The following NOP58 variants were observed in gnomAD, a reference collection of about 807,000 sequenced individuals.
NOP58 encodes nucleolar protein 58.
Under a neutral mutation model 71.2 loss-of-function variants are expected in NOP58, and 44 were observed. That is an observed-to-expected ratio of 0.62 (90% CI 0.49 to 0.79). NOP58 has a LOEUF of 0.79. Among genes scored for constraint, NOP58 ranks in the 30% least tolerant of loss-of-function variants. The probability of loss-of-function intolerance (pLI) is 0.00; values close to 1 mark genes in which losing one functional copy is unlikely to be tolerated. For synonymous variants in NOP58, 228 were observed against 200.3 expected (o/e 1.14, Z -1.17); for missense variants, 538 against 620.2 (o/e 0.87, Z 1.41).
chr2:202,298,068 A>AAATGTGCACATTGAGG (rs61113445), intron 12 of NOP58, among the ~76,000 whole-genome samples, 162 bp downstream of exon 12: 15,606 of 152,054 alleles, frequency 0.1, 981 homozygotes, highest in South Asian at 0.24. Flanking sequence ...TTGTTTTGGA[A>AAATGTGCACATTGAGG]AATGTGCACA....
intron 13 of NOP58, among the ~76,000 whole-genome samples, chr2:202,301,176 C>T (rs1265071948): frequency 6.6e-6 from 1 of 151,966 alleles, no homozygotes; most frequent in East Asian, 1.9e-4. Flanking sequence ...TTTCATCCCA[C>T]AATTTCCCCC....
intron 11 of NOP58, 133 bp from the exon 12 acceptor site, chr2:202,297,712 G>A (rs2105856148): frequency 1.2e-6 from 1 of 804,260 alleles, no homozygotes; most frequent in East Asian, 2.7e-5. Context: ...ATTAGGATAT[G>A]CTATTCAAAA....
chr2:202,287,172 C>T (rs769980719), intron 5 of NOP58, among the ~76,000 whole-genome samples: 3 of 149,898 alleles, frequency 2.0e-5, no homozygotes, highest in Admixed American at 6.7e-5. Flanking sequence ...CCGGTTCAAG[C>T]GATTCTCCTG....
At chr2:202,293,886 C>A (rs79130332) in intron 9 of NOP58, among the ~76,000 whole-genome samples, 2,497 of 152,152 alleles carry the variant, frequency 0.016, 38 homozygotes, top group Admixed American at 0.032. Flanking sequence ...GGCGTAACTC[C>A]TTTAGCTGCA....
rs1162570410 is a variant in NOP58, at chr2:202,295,828, C to T, written c.1062C>T (p.His354=). The T allele has an allele frequency of 6.3e-6, 10 of 1,576,440 alleles. No individual in the cohort carries two copies. The highest frequency in any genetic ancestry group is 8.6e-6 in the Non-Finnish European group (10 of 1,165,754). The stretch of plus-strand genomic sequence containing the variant: ...TCGTGGGCCAGACAAGTCCCAAACA[C>T]AAAGGAAAGGTGTGTTATAGGGTTT... ...ASLVGQTSPK[H]KGKISRMLAA... is the part of the protein sequence containing the mutation. Residue 354 remains histidine (H), a synonymous_variant, in exon 10 of 15, where the codon CAC becomes CAT. Transcript: ENST00000264279.
intron 13 of NOP58, 78 bp downstream of exon 13, chr2:202,300,445 A>G: frequency 8.5e-7 from 1 of 1,175,492 alleles, no homozygotes; most frequent in Non-Finnish European, 1.2e-6. Context: ...TTAAAAGTAC[A>G]TGCCATCCCA....
intron 4 of NOP58, among the ~76,000 whole-genome samples, chr2:202,284,052 C>T (rs916359445): frequency 6.6e-6 from 1 of 151,824 alleles, no homozygotes. Flanking sequence ...GAAGATGAGG[C>T]GGGCGGATCA....
Position 202,302,956 on chromosome 2 carries a change from G to C in NOP58, c.1438G>C (p.Glu480Gln). Reference protein sequence around the residue: ...EEEEEKVAEEEETSVKKKKKR... With the variant: ...EEEEEKVAEEQETSVKKKKKR... Reference sequence around the variant, plus strand: ...GGAAGAAGAAAAAGTGGCAGAAGAAGAAGAAACATCTGTGAAGAAGAAGAA... The same window carrying C: ...GGAAGAAGAAAAAGTGGCAGAAGAACAAGAAACATCTGTGAAGAAGAAGAA... Residue 480 changes from glutamate (E) to glutamine (Q), a missense_variant, in exon 14 of 15, where the codon GAA becomes CAA. Glu to Gln is a conservative substitution (Grantham distance 29). Transcript: ENST00000264279. The C allele has an allele frequency of 6.2e-7, 1 of 1,608,284 alleles. No homozygotes were observed. Among genetic ancestry groups the C allele is most frequent in the East Asian group, 2.2e-5 (1 of 44,826 alleles).
chr2:202,290,293 TTTTG>T lies in NOP58; in HGVS notation c.500-18_500-15del, dbSNP rs769775714. On this transcript the variant is annotated intron_variant, in intron 6 of 14. Transcript: ENST00000264279. Reference sequence around the variant, plus strand: ...TTTTACCACAATAAATCCCTTTAAGTTTTGTTTGTTTGTTTTTAATCTACTACAG... The same window carrying T: ...TTTTACCACAATAAATCCCTTTAAGTTTTGTTTGTTTTTAATCTACTACAG... 1.2e-4 allele frequency: 103 copies of T among 856,084 alleles called. 1 individual carries two copies. Among genetic ancestry groups the T allele is most frequent in the South Asian group, 6.2e-4 (22 of 35,666 alleles). The allele number at this position is 856,084 out of a possible 1,614,324, so 53.0% of individuals were successfully genotyped here. A position where few individuals can be genotyped will look rare whatever the true frequency, so the allele number is the denominator to read the frequency against.
chr2:202,297,510 A>G lies in NOP58; in HGVS notation c.1203A>G (p.Arg401=). Residue 401 remains arginine, a synonymous_variant, in exon 11 of 15, where the codon AGA becomes AGG. Transcript: ENST00000264279. ...LEARLRTLED[R]GIRKISGTGK... is the part of the protein sequence containing the mutation. The stretch of plus-strand genomic sequence containing the variant: ...CCAGGTTGAGAACTTTGGAAGACAG[A>G]GGGGTAAGAACTACATCATGCCTAT... 1.2e-6 allele frequency: 2 copies of G among 1,613,700 alleles called. No individual in the cohort carries two copies. The highest frequency in any genetic ancestry group is 8.5e-7 in the Non-Finnish European group (1 of 1,179,776).
chr2:202,271,400 CAAAA>C (rs780941347), intron 1 of NOP58, among the ~76,000 whole-genome samples: 2 of 115,052 alleles, frequency 1.7e-5, no homozygotes, highest in African/African-American at 3.5e-5. Context: ...TACTAAAATA[CAAAA>C]AAAAAAAAAA....
Position 202,300,351 on chromosome 2 carries a change from C to A in NOP58, c.1386C>A (p.Ala462=). ...TTACTGAAAAGAAAGCCAAAAAAGC[C>A]AAGATTAAAGTTAAAGGTTAGTTTG... ...DEITEKKAKK[A]KIKVKVEEEE... The change falls in exon 13 of 15, where the codon GCC becomes GCA. Residue 462 remains alanine, a synonymous_variant. Transcript: ENST00000264279. 3 of 1,586,796 alleles carry A rather than the reference C, an allele frequency of 1.9e-6. No individual in the cohort carries two copies. Among genetic ancestry groups the A allele is most frequent in the Admixed American group, 2.0e-5 (1 of 51,242 alleles).
Position 202,291,285 on chromosome 2 carries a change from T to C in NOP58, c.780+15T>C. 7 of 1,588,738 alleles carry C rather than the reference T, an allele frequency of 4.4e-6. No individual in the cohort carries two copies. The highest frequency in any genetic ancestry group is 6.0e-6 in the Non-Finnish European group (7 of 1,170,052). Reference sequence around the variant, plus strand: ...TTTGCACCCAGGTAAATTTTACTCCTGGAGAATCTAGTTGTGGTGTTACCA... The same window carrying C: ...TTTGCACCCAGGTAAATTTTACTCCCGGAGAATCTAGTTGTGGTGTTACCA... On this transcript the variant is annotated intron_variant, in intron 8 of 14. Transcript: ENST00000264279.
intron 12 of NOP58, 172 bp from the exon 13 acceptor site, chr2:202,300,062 C>T (rs1689065225): frequency 3.6e-6 from 2 of 553,526 alleles, no homozygotes; most frequent in South Asian, 4.9e-5. Flanking sequence ...AATATTAATA[C>T]CTTTAACTTT....
At position 202,303,501 on chromosome 2, in the gene NOP58, C is replaced by T; in HGVS notation, c.*65C>T. The T allele has an allele frequency of 6.4e-7, 1 of 1,556,188 alleles. No homozygotes were observed. The highest frequency in any genetic ancestry group is 1.2e-5 in the South Asian group (1 of 84,836). ...TGCTTAAGATTCAACTGGGAGCATA[C>T]CAGGGATGCTCTCTAACGTAATCAA... On this transcript the variant is annotated 3_prime_UTR_variant, in exon 15 of 15. Coordinates refer to ENST00000264279, the MANE Select transcript of NOP58 (RefSeq NM_015934.5).
chr2:202,291,876 GTCTATA>G (rs1688906489), intron 8 of NOP58, among the ~76,000 whole-genome samples: 1 of 134,602 alleles, frequency 7.4e-6, no homozygotes, highest in African/African-American at 2.7e-5. Context: ...TGAGTCTTAT[GTCTATA>G]TCTTGTGATT....
intron 6 of NOP58, among the ~76,000 whole-genome samples, chr2:202,289,057 T>TG (rs1688841154): frequency 1.3e-5 from 2 of 151,922 alleles, no homozygotes; most frequent in South Asian, 2.1e-4. Context: ...GAAGCAGAGG[T>TG]TGCAGTGAGC....
intron 3 of NOP58, among the ~76,000 whole-genome samples, chr2:202,278,754 G>A (rs1370039922): frequency 2.6e-5 from 4 of 152,180 alleles, no homozygotes; most frequent in East Asian, 1.9e-4. Flanking sequence ...ATGAAGGACC[G>A]TGAGGAAGAA....
intron 2 of NOP58, chr2:202,275,662 T>C (rs1247873741): frequency 6.6e-6 from 1 of 151,966 alleles, no homozygotes; most frequent in Non-Finnish European, 1.5e-5. Flanking sequence ...AGATGTTAAA[T>C]CTTTGGTTTT....
Sources: allele counts gnomAD v4.1 joint callset (sites outside exome capture counted in the v4.1 genomes callset), GRCh38; gene constraint gnomAD v4.1.1; transcripts MANE v1.5; gene names NCBI Gene and HGNC (gene_info 2026-07-23, HGNC 2026-07-21).